The following TRAF3 variants were observed in gnomAD, a reference collection of about 807,000 sequenced individuals.
TRAF3 encodes TNF receptor associated factor 3.
TRAF3 carries 13 observed loss-of-function variants against 62.3 expected under a neutral mutation model. That is an observed-to-expected ratio of 0.21 (90% CI 0.14 to 0.33). The LOEUF is 0.33. Among genes scored for constraint, TRAF3 ranks in the 10% least tolerant of loss-of-function variants. The pLI, the probability that TRAF3 is intolerant of heterozygous loss-of-function variation, is 1.00. For missense variants in TRAF3, 440 were observed against 741.8 expected, an observed-to-expected ratio of 0.59 and a Z score of 4.73; for synonymous variants, 269 against 283.4, an observed-to-expected ratio of 0.95 and a Z score of 0.51.
chr14:102,822,566 CTTCACATCTGTAA>C (rs1263594579), intron 1 of TRAF3, among the ~76,000 whole-genome samples: 1 of 152,178 alleles, frequency 6.6e-6, no homozygotes, highest in Non-Finnish European at 1.5e-5. Flanking sequence ...ACAGGAGTAT[CTTCACATCTGTAA>C]TTTCTGGTAA....
intron 2 of TRAF3, among the ~76,000 whole-genome samples, chr14:102,841,379 T>C (rs767882588): frequency 6.6e-6 from 1 of 152,216 alleles, no homozygotes; most frequent in Non-Finnish European, 1.5e-5. Context: ...GCCAAGCACT[T>C]CTTGGACATC....
intron 10 of TRAF3, among the ~76,000 whole-genome samples, chr14:102,902,107 T>C (rs971496944): frequency 1.3e-5 from 2 of 152,226 alleles, no homozygotes; most frequent in East Asian, 1.9e-4. Context: ...GTGACAAATA[T>C]GAGCAGCCTG....
chr14:102,864,882 C>T (rs529107304), intron 2 of TRAF3, among the ~76,000 whole-genome samples: 1 of 152,282 alleles, frequency 6.6e-6, no homozygotes, highest in South Asian at 2.1e-4. Flanking sequence ...GGAGATATGC[C>T]AGGTTAGTGC....
chr14:102,814,086 G>T (rs1899365607), intron 1 of TRAF3, among the ~76,000 whole-genome samples: 1 of 152,116 alleles, frequency 6.6e-6, no homozygotes, highest in African/African-American at 2.4e-5. Context: ...TTTTTGTATA[G>T]GATGAGAGGT....
intron 7 of TRAF3, among the ~76,000 whole-genome samples, chr14:102,889,276 G>A (rs1889575634): frequency 6.6e-6 from 1 of 151,972 alleles, no homozygotes; most frequent in Non-Finnish European, 1.5e-5. Context: ...TTTAAATTCT[G>A]GCACTACAGA....
chr14:102,905,132 C>T lies in TRAF3; in HGVS notation c.1136-81C>T, dbSNP rs577110004. ...GTCTCAAAAAAATGAAATAAAATAACGAGTGCTGGTGCAGCTTTGCTTTCC... is the reference window on the plus strand; with the variant it reads ...GTCTCAAAAAAATGAAATAAAATAATGAGTGCTGGTGCAGCTTTGCTTTCC... On this transcript the variant is annotated intron_variant, in intron 11 of 11. Transcript: ENST00000392745. 99 of 1,368,814 alleles carry T rather than the reference C, an allele frequency of 7.2e-5. 1 individual carries two copies. The East Asian group carries it at 1.6e-3, about 23-fold the overall frequency. 84.8% of individuals were successfully genotyped at this position (1,368,814 alleles called of 1,614,324 possible). A position where few individuals can be genotyped will look rare whatever the true frequency, so the allele number is the denominator to read the frequency against.
chr14:102,906,015 T>C lies in TRAF3; in HGVS notation c.*231T>C, dbSNP rs1890570028. ...ATTATTTATCCTTCAACAAGATAAA[T>C]ATTGCTGTCAGAGAAGGTTTTCATT... On this transcript the variant is annotated 3_prime_UTR_variant, in exon 12 of 12. Coordinates refer to ENST00000392745, the MANE Select transcript of TRAF3 (RefSeq NM_145725.3). 4.3e-6 allele frequency: 2 copies of C among 462,452 alleles called. No individual in the cohort carries two copies. The highest frequency in any genetic ancestry group is 6.6e-5 in the East Asian group (2 of 30,124). 28.6% of individuals were successfully genotyped at this position (462,452 alleles called of 1,614,324 possible).
chr14:102,865,497 ATTT>A (rs558222101), intron 2 of TRAF3, among the ~76,000 whole-genome samples: 1 of 133,692 alleles, frequency 7.5e-6, no homozygotes, highest in Non-Finnish European at 1.6e-5. Flanking sequence ...GTTAATCTGA[ATTT>A]TTTTTTTTTT....
intron 2 of TRAF3, among the ~76,000 whole-genome samples, chr14:102,834,712 T>C (rs1250129310): frequency 8.8e-6 from 1 of 113,620 alleles, no homozygotes. Flanking sequence ...AAAAAAGAAA[T>C]TGGACCCCTT....
chr14:102,886,863 G>A (rs986382373), intron 7 of TRAF3, among the ~76,000 whole-genome samples: 1 of 152,168 alleles, frequency 6.6e-6, no homozygotes. Flanking sequence ...AGGTGACGAG[G>A]GGTTTTTAAA....
intron 1 of TRAF3, among the ~76,000 whole-genome samples, chr14:102,803,608 G>T (rs1450662537): frequency 6.6e-6 from 1 of 150,550 alleles, no homozygotes; most frequent in Non-Finnish European, 1.5e-5. Flanking sequence ...ACAGGGTCTC[G>T]CTCTGTTGCT....
intron 9 of TRAF3, among the ~76,000 whole-genome samples, chr14:102,895,500 G>A (rs1031359991): frequency 2.0e-5 from 3 of 152,118 alleles, no homozygotes; most frequent in African/African-American, 4.8e-5. Flanking sequence ...AGATGCCCTC[G>A]GGCCATCACC....
intron 1 of TRAF3, among the ~76,000 whole-genome samples, chr14:102,790,948 A>G (rs1897755994): frequency 6.6e-6 from 1 of 151,952 alleles, no homozygotes; most frequent in Non-Finnish European, 1.5e-5. Context: ...TTGATTCTGT[A>G]GATTGCTTTG....
At chr14:102,811,918 T>TTTTC (rs1899200615) in intron 1 of TRAF3, among the ~76,000 whole-genome samples, 1 of 87,146 alleles carries the variant, frequency 1.1e-5, no homozygotes, top group African/African-American at 7.6e-5. Context: ...TGGCCCTTTT[T>TTTTC]TTTTTTTTTT....
At chr14:102,857,311 T>A (rs1469983442) in intron 2 of TRAF3, among the ~76,000 whole-genome samples, 4 of 152,214 alleles carry the variant, frequency 2.6e-5, no homozygotes, top group African/African-American at 9.7e-5. Flanking sequence ...GTAACAGGTG[T>A]ACCAAGTTCC....
chr14:102,862,215 A>G (rs1158857570), intron 2 of TRAF3, among the ~76,000 whole-genome samples: 9 of 152,018 alleles, frequency 5.9e-5, no homozygotes, highest in African/African-American at 2.2e-4. Context: ...TTTTTGAAAG[A>G]TAGTTTTACT....
At chr14:102,904,407 T>C (rs1205250824) in intron 11 of TRAF3, among the ~76,000 whole-genome samples, 1 of 152,156 alleles carries the variant, frequency 6.6e-6, no homozygotes, top group Non-Finnish European at 1.5e-5. Context: ...CTGGGCATGG[T>C]GGTGTGGCCT....
At chr14:102,822,041 C>G (rs1258296187) in intron 1 of TRAF3, among the ~76,000 whole-genome samples, 1 of 151,908 alleles carries the variant, frequency 6.6e-6, no homozygotes, top group Non-Finnish European at 1.5e-5. Flanking sequence ...GACTCCATCT[C>G]AAATAAAATA....
At chr14:102,823,974 G>A (rs1900139114) in intron 1 of TRAF3, among the ~76,000 whole-genome samples, 1 of 152,174 alleles carries the variant, frequency 6.6e-6, no homozygotes, top group Non-Finnish European at 1.5e-5. Flanking sequence ...CCATTGTGTG[G>A]ATGTTCCACA....
Sources: allele counts gnomAD v4.1 joint callset (sites outside exome capture counted in the v4.1 genomes callset), GRCh38; gene constraint gnomAD v4.1.1; transcripts MANE v1.5; gene names NCBI Gene and HGNC (gene_info 2026-07-23, HGNC 2026-07-21).